The following KCNIP1 variants were observed in gnomAD, a reference collection of about 807,000 sequenced individuals.
KCNIP1 encodes potassium voltage-gated channel interacting protein 1.
KCNIP1 carries 18 observed loss-of-function variants against 33.0 expected under a neutral mutation model. That is an observed-to-expected ratio of 0.55 (90% CI 0.38 to 0.81). The LOEUF (loss-of-function observed/expected upper bound fraction) is 0.81, where lower values mean the gene tolerates loss of function less well. Ranked by LOEUF, KCNIP1 falls within the 30% of genes least tolerant of loss-of-function variation. KCNIP1 has a pLI of 0.00. For missense variants in KCNIP1, 238 were observed against 271.6 expected (o/e 0.88, Z 0.87); for synonymous variants, 93 against 98.3 (o/e 0.95, Z 0.32).
At chr5:170,358,037 C>G (rs1763394155) in intron 1 of KCNIP1, among the ~76,000 whole-genome samples, 2 of 152,220 alleles carry the variant, frequency 1.3e-5, no homozygotes, top group South Asian at 4.1e-4. Flanking sequence ...GCGTCTTCCT[C>G]TTTCTGCACA....
At chr5:170,584,079 G>T (rs1021718878) in intron 1 of KCNIP1, among the ~76,000 whole-genome samples, 1 of 152,202 alleles carries the variant, frequency 6.6e-6, no homozygotes, top group African/African-American at 2.4e-5. Context: ...TGGAATATGG[G>T]TTGTGCTAAC....
intron 1 of KCNIP1, among the ~76,000 whole-genome samples, chr5:170,522,641 G>A (rs1755405611): frequency 6.6e-6 from 1 of 152,146 alleles, no homozygotes; most frequent in South Asian, 2.1e-4. Context: ...GAGGTCTTTG[G>A]GACACAGCCA....
Position 170,361,762 on chromosome 5 carries a change from T to C in KCNIP1, c.88+7798T>C, listed in dbSNP as rs552783409. 1.7e-3 allele frequency among the ~76,000 whole-genome samples: 258 copies of C among 152,324 alleles called. 2 individuals are homozygous for C. Among genetic ancestry groups the C allele is most frequent in the African/African-American group, 5.8e-3 (240 of 41,568 alleles). ...CAGCATCTCCTGCTGTATTCTGACGTGGAGGAAAGAGAGTAAGCTAGCTCT... is the reference window on the plus strand; with the variant it reads ...CAGCATCTCCTGCTGTATTCTGACGCGGAGGAAAGAGAGTAAGCTAGCTCT... On this transcript the variant is annotated intron_variant, in intron 1 of 7. Coordinates refer to the KCNIP1 transcript ENST00000377360.
intron 1 of KCNIP1, among the ~76,000 whole-genome samples, chr5:170,434,030 G>A (rs1180354236): frequency 2.6e-5 from 4 of 152,148 alleles, no homozygotes; most frequent in African/African-American, 9.7e-5. Context: ...AAAGAGTTTT[G>A]TAGATTTGTG....
At chr5:170,721,934 C>T in intron 4 of KCNIP1, 31 bp downstream of exon 4, 1 of 1,612,052 alleles carries the variant, frequency 6.2e-7, no homozygotes, top group South Asian at 1.1e-5. Context: ...CTCTAGGGGT[C>T]CTCTGGTTCT....
intron 1 of KCNIP1, among the ~76,000 whole-genome samples, chr5:170,479,760 T>A (rs1337058941): frequency 2.6e-5 from 4 of 152,272 alleles, no homozygotes; most frequent in Admixed American, 2.6e-4. Context: ...AGCAATCAGT[T>A]AAATATTAAA....
At chr5:170,656,992 C>CT (rs11397076) in intron 1 of KCNIP1, among the ~76,000 whole-genome samples, 11,062 of 115,396 alleles carry the variant, frequency 0.096, 859 homozygotes, top group African/African-American at 0.19. Flanking sequence ...TTTTTTCTTT[C>CT]TTTCTTTTTT....
chr5:170,509,306 T>G (rs902049862), intron 1 of KCNIP1, among the ~76,000 whole-genome samples: 1 of 152,174 alleles, frequency 6.6e-6, no homozygotes, highest in Admixed American at 6.5e-5. Flanking sequence ...CCAGGCACAG[T>G]TCTGGTCCCT....
At chr5:170,373,650 G>A (rs1763908058) in intron 1 of KCNIP1, among the ~76,000 whole-genome samples, 1 of 152,158 alleles carries the variant, frequency 6.6e-6, no homozygotes, top group Non-Finnish European at 1.5e-5. Flanking sequence ...AAGTGGTATT[G>A]TTTTACATTT....
intron 1 of KCNIP1, among the ~76,000 whole-genome samples, chr5:170,461,186 C>G (rs1450337749): frequency 6.6e-6 from 1 of 152,142 alleles, no homozygotes; most frequent in Non-Finnish European, 1.5e-5. Flanking sequence ...GAAACACATC[C>G]AATGCTCATG....
Position 170,735,762 on chromosome 5 carries a change from GACA to G in KCNIP1, c.611_613del (p.Asn204del). On this transcript the variant is annotated inframe_deletion, in exon 8 of 8. Transcript: ENST00000328939. ...TCTTGCCCTCCTTTTTTCCCAGGACGACAACATCATGAGGTCTCTCCAGCTGTT... is the reference window on the plus strand; with the variant it reads ...TCTTGCCCTCCTTTTTTCCCAGGACGACATCATGAGGTCTCTCCAGCTGTT... 1.9e-6 allele frequency: 3 copies of G among 1,613,812 alleles called. No homozygotes were observed. The highest frequency in any genetic ancestry group is 2.5e-6 in the Non-Finnish European group (3 of 1,179,856).
At chr5:170,685,591 C>T (rs1480729199) in intron 1 of KCNIP1, among the ~76,000 whole-genome samples, 2 of 151,964 alleles carry the variant, frequency 1.3e-5, no homozygotes, top group Admixed American at 6.6e-5. Context: ...CGGGTTTAAG[C>T]GATTCTACTG....
intron 1 of KCNIP1, among the ~76,000 whole-genome samples, chr5:170,509,785 C>T (rs1031292313): frequency 6.6e-6 from 1 of 152,174 alleles, no homozygotes; most frequent in African/African-American, 2.4e-5. Context: ...TAAATTCAGT[C>T]AAGAAGAGTC....
intron 1 of KCNIP1, among the ~76,000 whole-genome samples, chr5:170,627,426 G>A (rs1176660276): frequency 6.6e-6 from 1 of 152,192 alleles, no homozygotes; most frequent in Non-Finnish European, 1.5e-5. Flanking sequence ...TGCCAATGCC[G>A]GGGCAAGAAT....
At chr5:170,583,636 C>A (rs1461766040) in intron 1 of KCNIP1, among the ~76,000 whole-genome samples, 1 of 152,190 alleles carries the variant, frequency 6.6e-6, no homozygotes, top group Non-Finnish European at 1.5e-5. Flanking sequence ...ACAAAATGAT[C>A]TTCAGAGTTT....
intron 1 of KCNIP1, among the ~76,000 whole-genome samples, chr5:170,688,915 G>A (rs112220851): frequency 0.031 from 4,296 of 140,786 alleles, 73 homozygotes; most frequent in Non-Finnish European, 0.034. Context: ...GGGCTAACCA[G>A]TTAGCATGGA....
At chr5:170,378,382 C>G (rs558443995) in intron 1 of KCNIP1, 2 of 258,344 alleles carry the variant, frequency 7.7e-6, no homozygotes, top group African/African-American at 2.2e-5. Context: ...ACAGAGGTGA[C>G]GATCATCGTT....
At chr5:170,382,748 C>T (rs1362480255) in intron 1 of KCNIP1, 2 of 151,598 alleles carry the variant, frequency 1.3e-5, no homozygotes, top group Admixed American at 6.6e-5. Flanking sequence ...TTCTGATACC[C>T]CCATCATTGT....
At chr5:170,701,560 T>C (rs1338696083) in intron 1 of KCNIP1, among the ~76,000 whole-genome samples, 1 of 152,214 alleles carries the variant, frequency 6.6e-6, no homozygotes, top group Admixed American at 6.5e-5. Flanking sequence ...TCTCAAACTA[T>C]GCAAGTCTTC....
Sources: allele counts gnomAD v4.1 joint callset (sites outside exome capture counted in the v4.1 genomes callset), GRCh38; gene constraint gnomAD v4.1.1; transcripts MANE v1.5; gene names NCBI Gene and HGNC (gene_info 2026-07-23, HGNC 2026-07-21).